Variants in SLC22A25 observed in about 807,000 individuals in gnomAD.
SLC22A25 encodes the protein MGI:2442751, MGI:2385316, MGI:3042283, MGI:3645714, MGI:3605624, MGI:2442750.
SLC22A25 carries 44 observed loss-of-function variants against 45.9 expected under a neutral mutation model. That is an observed-to-expected ratio of 0.96 (90% CI 0.75 to 1.23). The LOEUF (loss-of-function observed/expected upper bound fraction) is 1.23, where lower values mean the gene tolerates loss of function less well. Ranked by LOEUF, SLC22A25 falls within the 50% of genes most tolerant of loss-of-function variation. The pLI is 0.00. For missense variants in SLC22A25, 800 were observed against 666.4 expected, an observed-to-expected ratio of 1.20 and a Z score of -2.21; for synonymous variants, 283 against 238.6, an observed-to-expected ratio of 1.19 and a Z score of -1.72.
intron 3 of SLC22A25, among the ~76,000 whole-genome samples, chr11:63,234,163 C>T (rs1266964080): frequency 1.3e-5 from 2 of 152,166 alleles, no homozygotes; most frequent in African/African-American, 2.4e-5. Context: ...CCGCTTGGTG[C>T]AGAGCTGAGT....
At position 63,229,837 on chromosome 11, in the gene SLC22A25, T is replaced by C. The variant is rs955675218; in HGVS notation, c.-185A>G. On this transcript the variant is annotated 5_prime_UTR_variant, in exon 4 of 12. Transcript: ENST00000306494. ...ACGGAAGCAATTTCCTCAAGTAGTTTTGGGGTCAGGTAGGTATCTGTTTTC... is the reference window on the plus strand; with the variant it reads ...ACGGAAGCAATTTCCTCAAGTAGTTCTGGGGTCAGGTAGGTATCTGTTTTC... Among the ~76,000 whole-genome samples the C allele has an allele frequency of 2.0e-5, 3 of 152,194 alleles. No individual in the cohort carries two copies. The highest frequency in any genetic ancestry group is 2.9e-5 in the Non-Finnish European group (2 of 68,042).
chr11:63,237,004 G>A (rs577737285), intron 3 of SLC22A25, among the ~76,000 whole-genome samples: 1 of 152,102 alleles, frequency 6.6e-6, no homozygotes, highest in East Asian at 1.9e-4. Context: ...AGTTCTCATA[G>A]GTAACTTCTA....
intron 7 of SLC22A25, among the ~76,000 whole-genome samples, chr11:63,196,640 T>G (rs1003725990): frequency 5.9e-5 from 9 of 152,090 alleles, no homozygotes; most frequent in African/African-American, 1.7e-4. Context: ...CAAACCCACA[T>G]CCAATATCAT....
At chr11:63,231,390 T>A (rs1172704672) in intron 3 of SLC22A25, among the ~76,000 whole-genome samples, 1 of 152,266 alleles carries the variant, frequency 6.6e-6, no homozygotes, top group Non-Finnish European at 1.5e-5. Context: ...TTTGCATTTC[T>A]CTGATGGCCA....
chr11:63,177,864 A>ATAT (rs373414293), intron 9 of SLC22A25, among the ~76,000 whole-genome samples: 6 of 31,082 alleles, frequency 1.9e-4, no homozygotes, highest in Non-Finnish European at 2.9e-4. Flanking sequence ...GTATATATAT[A>ATAT]ATATATATAA....
At chr11:63,181,543 AAACT>A (rs1191770866) in intron 8 of SLC22A25, among the ~76,000 whole-genome samples, 3 of 151,938 alleles carry the variant, frequency 2.0e-5, no homozygotes, top group East Asian at 1.9e-4. Flanking sequence ...ATGAAGCTGG[AAACT>A]AACCCTTATG....
chr11:63,238,586 A>G (rs2134862465), intron 2 of SLC22A25, 131 bp downstream of exon 2: 1 of 152,500 alleles, frequency 6.6e-6, no homozygotes, highest in Non-Finnish European at 1.5e-5. Flanking sequence ...TTAACAGAGA[A>G]GCAATTAATA....
chr11:63,178,462 G>A (rs557620716), intron 9 of SLC22A25, among the ~76,000 whole-genome samples: 11 of 141,454 alleles, frequency 7.8e-5, no homozygotes, highest in Non-Finnish European at 1.7e-4. Context: ...CCCTCTATAT[G>A]CATCTTCCCC....
chr11:63,234,690 C>G (rs1007500827), intron 3 of SLC22A25, among the ~76,000 whole-genome samples: 3 of 152,132 alleles, frequency 2.0e-5, no homozygotes, highest in Non-Finnish European at 4.4e-5. Context: ...ATGATGTTAG[C>G]TGGTTATTTT....
Position 63,217,583 on chromosome 11 carries a change from A to T in SLC22A25, c.659T>A (p.Leu220Ter). The T allele has an allele frequency of 6.2e-7, 1 of 1,612,772 alleles. No individual in the cohort carries two copies. The highest frequency in any genetic ancestry group is 2.2e-5 in the East Asian group (1 of 44,820). ...GTGGATCGAAAATATTGACTTACTT[A>T]ACAAAACAGTATTTACAATGATGCT... Reference protein sequence around the residue: ...TFSIIVNTVLLIVEWITHQFC... With the variant: ...TFSIIVNTVL The change falls in exon 6 of 12, where the codon TTA becomes TAA. Residue 220 changes from leucine to a stop codon, truncating the protein, a stop_gained and splice_region_variant. Transcript: ENST00000306494. LOFTEE classifies it high-confidence loss of function.
chr11:63,191,393 A>G (rs888847914), intron 7 of SLC22A25, among the ~76,000 whole-genome samples: 1 of 152,286 alleles, frequency 6.6e-6, no homozygotes, highest in Middle Eastern at 3.4e-3. Flanking sequence ...AAGACCATTG[A>G]AAAGCACAGT....
chr11:63,178,077 A>G (rs2088181982), intron 9 of SLC22A25, among the ~76,000 whole-genome samples: 1 of 150,844 alleles, frequency 6.6e-6, no homozygotes, highest in South Asian at 2.1e-4. Context: ...TTTTTTGCAG[A>G]GTCAGGGTTT....
chr11:63,163,326 T>C lies in SLC22A25; in HGVS notation c.*498A>G, dbSNP rs1186453754. 2.6e-5 allele frequency among the ~76,000 whole-genome samples: 4 copies of C among 152,192 alleles called. No homozygotes were observed. The highest frequency in any genetic ancestry group is 4.8e-5 in the African/African-American group (2 of 41,458). On this transcript the variant is annotated 3_prime_UTR_variant, in exon 12 of 12. Coordinates refer to ENST00000306494, the MANE Select transcript of SLC22A25 (RefSeq NM_199352.6). ...CACTTCTTTTCCCCTTTTCCAACGC[T>C]TTTTTTCCCCCGTGAAAATTAGATA...
At chr11:63,234,914 T>C (rs61930187) in intron 3 of SLC22A25, among the ~76,000 whole-genome samples, 3,182 of 152,316 alleles carry the variant, frequency 0.021, 47 homozygotes, top group Middle Eastern at 0.051. Context: ...TTTGGCTGGA[T>C]ATGAAATTCT....
intron 7 of SLC22A25, among the ~76,000 whole-genome samples, chr11:63,215,145 C>T (rs1263810037): frequency 6.6e-6 from 1 of 152,092 alleles, no homozygotes; most frequent in Non-Finnish European, 1.5e-5. Flanking sequence ...ATGTTTATTG[C>T]AGAACTATTC....
intron 5 of SLC22A25, among the ~76,000 whole-genome samples, chr11:63,225,486 A>G (rs1424702744): frequency 6.6e-6 from 1 of 152,198 alleles, no homozygotes; most frequent in Non-Finnish European, 1.5e-5. Flanking sequence ...TTTGCATGGA[A>G]AAGTCTGCTG....
Position 63,161,444 on chromosome 11 carries a change from G to T in SLC22A25, c.*2380C>A, listed in dbSNP as rs1482951526. Among the ~76,000 whole-genome samples the T allele has an allele frequency of 6.6e-6, 1 of 152,022 alleles. No homozygotes were observed. The highest frequency in any genetic ancestry group is 1.5e-5 in the Non-Finnish European group (1 of 67,976). The stretch of plus-strand genomic sequence containing the variant: ...AGAATGATATGGTTTGACTGTGTCC[G>T]CCTACCCAATCTCATCTTGAATTGT... On this transcript the variant is annotated 3_prime_UTR_variant, in exon 12 of 12. Transcript: ENST00000306494.
chr11:63,190,963 G>T (rs1162841329), intron 7 of SLC22A25, among the ~76,000 whole-genome samples: 2 of 152,154 alleles, frequency 1.3e-5, no homozygotes, highest in African/African-American at 2.4e-5. Context: ...CCCTACTGGG[G>T]GCTGCCTCCC....
At chr11:63,174,791 T>G (rs537518862) in intron 9 of SLC22A25, among the ~76,000 whole-genome samples, 1 of 152,248 alleles carries the variant, frequency 6.6e-6, no homozygotes, top group African/African-American at 2.4e-5. Flanking sequence ...GGGAACTTCC[T>G]ATTTCCCTCT....
Sources: gnomAD v4.1 joint callset for allele counts (sites outside exome capture counted in the v4.1 genomes callset) on GRCh38, gnomAD v4.1.1 for gene constraint, MANE v1.5 for transcripts, NCBI Gene and HGNC (gene_info 2026-07-23, HGNC 2026-07-21) for gene names.